Variants in PMVK observed in about 807,000 individuals in gnomAD.
PMVK encodes the protein testis tissue sperm-binding protein Li 95mP.
A neutral mutation model predicts 19.0 loss-of-function variants in PMVK; 10 were observed. The ratio of observed to expected loss-of-function variants is 0.53; its 90% CI spans 0.32 to 0.89. PMVK has a LOEUF of 0.89. PMVK is among the 40% of genes least tolerant of loss of function. The pLI, the probability that PMVK is intolerant of heterozygous loss-of-function variation, is 0.03. For synonymous variants in PMVK, 108 were observed against 101.6 expected (o/e 1.06, Z -0.38); for missense variants, 222 against 251.1 (o/e 0.88, Z 0.78).
Position 154,924,909 on chromosome 1 carries a change from G to T in PMVK, c.*220C>A. The T allele has an allele frequency of 3.5e-6, 2 of 565,926 alleles. No homozygotes were observed. The highest frequency in any genetic ancestry group is 6.3e-6 in the Non-Finnish European group (2 of 315,636). 35.1% of individuals were successfully genotyped at this position (565,926 alleles called of 1,614,324 possible). On this transcript the variant is annotated 3_prime_UTR_variant, in exon 5 of 5. Transcript: ENST00000368467. ...AAGCACAGCCAAGACACCCTCCTTT[G>T]CCCTTGGAGTCTCCTCCTGAAGAGC...
At chr1:154,932,483 G>C (rs1571383146) in intron 1 of PMVK, 68 bp from the exon 2 acceptor site, 1 of 1,086,568 alleles carries the variant, frequency 9.2e-7, no homozygotes, top group Non-Finnish European at 1.3e-6. Flanking sequence ...CCCAGAAAGG[G>C]AGTCAAGAGG....
At chr1:154,928,942 T>G (rs1654252128) in intron 3 of PMVK, 82 bp downstream of exon 3, 1 of 1,364,464 alleles carries the variant, frequency 7.3e-7, no homozygotes, top group Non-Finnish European at 1.0e-6. Flanking sequence ...GCCAGGATGG[T>G]GGCAGTGGAG....
chr1:154,928,736 C>A (rs1654244481), intron 3 of PMVK, among the ~76,000 whole-genome samples: 1 of 151,888 alleles, frequency 6.6e-6, no homozygotes, highest in South Asian at 2.1e-4. Flanking sequence ...TGCGCCACTG[C>A]ACTCCAGCCC....
In PMVK at chr1:154,929,024, C is replaced by T. The variant is rs757146828; in HGVS notation, c.312G>A (p.Trp104Ter). ...KIVEGISQPI[W>*]LVSDTRRVSD... Reference sequence around the variant, plus strand: ...TCATGCTGCCATGGAGCCCTCTTACCCAGATGGGCTGGGAGATGCCCTCCA... The same window carrying T: ...TCATGCTGCCATGGAGCCCTCTTACTCAGATGGGCTGGGAGATGCCCTCCA... The change falls in exon 3 of 5, where the codon TGG becomes TGA. Residue 104 changes from tryptophan (W) to a stop codon, truncating the protein, a stop_gained and splice_region_variant. Coordinates refer to ENST00000368467, the MANE Select transcript of PMVK (RefSeq NM_006556.4). LOFTEE classifies it high-confidence loss of function. 6.2e-6 allele frequency: 10 copies of T among 1,613,552 alleles called. No individual in the cohort carries two copies. The highest frequency in any genetic ancestry group is 8.5e-6 in the Non-Finnish European group (10 of 1,179,670).
chr1:154,932,913 C>A (rs1393150561), intron 1 of PMVK, among the ~76,000 whole-genome samples: 3 of 151,998 alleles, frequency 2.0e-5, no homozygotes, highest in Non-Finnish European at 4.4e-5. Flanking sequence ...CCAGCCTGGG[C>A]AACACAATAA....
intron 1 of PMVK, among the ~76,000 whole-genome samples, chr1:154,932,983 G>A (rs1654382920): frequency 6.6e-6 from 1 of 152,094 alleles, no homozygotes; most frequent in Non-Finnish European, 1.5e-5. Flanking sequence ...GGCAGCATGT[G>A]CCTGTACTCC....
At chr1:154,930,440 G>A (rs550286875) in intron 2 of PMVK, among the ~76,000 whole-genome samples, 10 of 152,256 alleles carry the variant, frequency 6.6e-5, no homozygotes, top group African/African-American at 1.2e-4. Context: ...TAGGCTGGGC[G>A]ACAGAGCGAG....
upstream of PMVK, chr1:154,936,876 G>T (rs892699524): frequency 3.4e-6 from 2 of 587,216 alleles, no homozygotes; most frequent in Non-Finnish European, 6.1e-6. Flanking sequence ...ACAGATATGG[G>T]GAGAAAAGGG....
At chr1:154,935,894 G>A (rs147631327) in intron 1 of PMVK, among the ~76,000 whole-genome samples, 9 of 152,160 alleles carry the variant, frequency 5.9e-5, no homozygotes, top group African/African-American at 2.2e-4. Flanking sequence ...GTCTTACTGT[G>A]TTGCCCAGGC....
In PMVK at chr1:154,929,238, C is replaced by T. The variant is rs1310625637; in HGVS notation, c.160-62G>A. 88 of 1,527,338 alleles carry T rather than the reference C, an allele frequency of 5.8e-5. No homozygotes were observed. In the Admixed American group the frequency reaches 1.5e-3, roughly 25 times the overall value. 94.6% of individuals were successfully genotyped at this position (1,527,338 alleles called of 1,614,324 possible). On this transcript the variant is annotated intron_variant, in intron 2 of 4. Transcript: ENST00000368467. ...TCAACCTCAGTGGTCTCTCCTAAAA[C>T]AGCGGAAGAGCCATCCCTCACCCTC...
chr1:154,926,238 G>A, intron 4 of PMVK, 116 bp downstream of exon 4: 1 of 938,880 alleles, frequency 1.1e-6, no homozygotes, highest in Non-Finnish European at 1.6e-6. Flanking sequence ...CCCTAATCAG[G>A]AGGCCTCAGA....
chr1:154,938,041 T>C (rs112837670), upstream of PMVK: 119 of 152,332 alleles, frequency 7.8e-4, no homozygotes, highest in African/African-American at 2.8e-3. Context: ...TAAAATACTT[T>C]GTAAGTTCTC....
chr1:154,935,656 G>A (rs1654480906), intron 1 of PMVK, among the ~76,000 whole-genome samples: 1 of 152,124 alleles, frequency 6.6e-6, no homozygotes, highest in Non-Finnish European at 1.5e-5. Flanking sequence ...CTTACTTTGT[G>A]ACCAGCAAGG....
intron 3 of PMVK, among the ~76,000 whole-genome samples, chr1:154,927,554 C>A (rs1654206309): frequency 1.3e-5 from 2 of 150,708 alleles, no homozygotes; most frequent in East Asian, 2.0e-4. Flanking sequence ...GCTTCTCAAT[C>A]TGAAATCAGA....
intron 3 of PMVK, 55 bp downstream of exon 3, chr1:154,928,969 A>G: frequency 6.5e-7 from 1 of 1,546,890 alleles, no homozygotes; most frequent in Non-Finnish European, 8.9e-7. Context: ...AGAGATGGAC[A>G]CAGCGAAGAG....
Position 154,932,427 on chromosome 1 carries a change from G to A in PMVK, c.96-12C>T, listed in dbSNP as rs1485599639. ...CATCAGCTCCAAGTCTGCAGGACAG[G>A]GAGATCAGAATCCAGTTAGCCTAGA... On this transcript the variant is annotated splice_polypyrimidine_tract_variant and intron_variant, in intron 1 of 4. Coordinates refer to ENST00000368467, the MANE Select transcript of PMVK (RefSeq NM_006556.4). 6.3e-7 allele frequency: 1 copy of A among 1,594,956 alleles called. No homozygotes were observed. Among genetic ancestry groups the A allele is most frequent in the Non-Finnish European group, 8.5e-7 (1 of 1,169,956 alleles).
chr1:154,933,343 G>A (rs1654397970), intron 1 of PMVK, among the ~76,000 whole-genome samples: 1 of 151,480 alleles, frequency 6.6e-6, no homozygotes, highest in African/African-American at 2.4e-5. Context: ...TGAGGCAGGA[G>A]AATCACCTGA....
upstream of PMVK, among the ~76,000 whole-genome samples, chr1:154,938,699 C>T (rs1654583268): frequency 6.6e-6 from 1 of 152,154 alleles, no homozygotes; most frequent in Admixed American, 6.5e-5. Context: ...AGTCTCCCAG[C>T]CCTCATCCCT....
At chr1:154,925,295 T>C (rs745887573) in intron 4 of PMVK, 30 bp from the exon 5 acceptor site, 2 of 1,613,336 alleles carry the variant, frequency 1.2e-6, no homozygotes, top group South Asian at 2.2e-5. Flanking sequence ...AGGTCAGGCC[T>C]CAGCCCTCCA....
Sources: gnomAD v4.1 joint callset for allele counts (sites outside exome capture counted in the v4.1 genomes callset) on GRCh38, gnomAD v4.1.1 for gene constraint, MANE v1.5 for transcripts, NCBI Gene and HGNC (gene_info 2026-07-23, HGNC 2026-07-21) for gene names.